The following ARID3B variants were observed in gnomAD, a reference collection of about 807,000 sequenced individuals.
The protein encoded by ARID3B is AT-rich interaction domain 3B, also known as AT-rich interactive domain-containing protein 3B.
In ARID3B, 10 loss-of-function variants were observed where a neutral mutation model predicts 51.9. The observed-to-expected ratio is 0.19, with a 90% CI of 0.12 to 0.33. The LOEUF (loss-of-function observed/expected upper bound fraction) is 0.33. ARID3B is among the 10% of genes least tolerant of loss of function. The pLI, the probability that ARID3B is intolerant of heterozygous loss-of-function variation, is 1.00. For synonymous variants in ARID3B, 205 were observed against 279.5 expected (o/e 0.73, Z 2.66); for missense variants, 483 against 716.3 (o/e 0.67, Z 3.72).
Position 74,557,904 on chromosome 15 carries a change from C to T in ARID3B, c.552+13416C>T, listed in dbSNP as rs1191734332. On this transcript the variant is annotated intron_variant, in intron 2 of 8. Coordinates refer to ENST00000346246, the MANE Select transcript of ARID3B (RefSeq NM_006465.4). ...TGGCATGATCTCAGCTCACTGCAAG[C>T]ACTGCCTTCAGGGTTCATGCCATTC... Among the ~76,000 whole-genome samples, 5 of 149,402 alleles carry T rather than the reference C, an allele frequency of 3.3e-5. No homozygotes were observed. The East Asian group carries it at 9.9e-4, about 30-fold the overall frequency.
At chr15:74,595,558 C>T in intron 8 of ARID3B, 53 bp from the exon 9 acceptor site, 1 of 1,579,286 alleles carries the variant, frequency 6.3e-7, no homozygotes, top group Non-Finnish European at 8.6e-7. Context: ...AAGGAGCTGG[C>T]CCTCCCCTTC....
rs148447597 is a variant in ARID3B at position 74,589,834 on chromosome 15, C to A, written c.712C>A (p.Arg238=). 9,814 of 1,610,322 alleles carry A rather than the reference C, an allele frequency of 6.1e-3. 34 individuals are homozygous for A. Among genetic ancestry groups the A allele is most frequent in the Non-Finnish European group, 7.2e-3 (8,524 of 1,177,534 alleles). ...FMQKRGTPIN[R]IPIMAKQILD... is the part of the protein sequence containing the mutation. ...GACAACCACAGGGACCCCCATCAAC[C>A]GAATCCCCATCATGGCCAAACAGAT... Residue 238 remains arginine, a synonymous_variant, in exon 5 of 9, where the codon CGA becomes AGA. Coordinates refer to ENST00000346246, the MANE Select transcript of ARID3B (RefSeq NM_006465.4).
At chr15:74,595,152 C>T (rs1420312131) in intron 8 of ARID3B, among the ~76,000 whole-genome samples, 1 of 152,106 alleles carries the variant, frequency 6.6e-6, no homozygotes, top group African/African-American at 2.4e-5. Flanking sequence ...CTCAAGTGAT[C>T]CTCCTGCCTC....
Position 74,590,020 on chromosome 15 carries a change from T to G in ARID3B, c.881+17T>G, listed in dbSNP as rs1220931625. The G allele has an allele frequency of 1.3e-6, 2 of 1,586,178 alleles. No individual in the cohort carries two copies. The highest frequency in any genetic ancestry group is 3.6e-5 in the Admixed American group (2 of 56,212). On this transcript the variant is annotated intron_variant, in intron 5 of 8. Coordinates refer to ENST00000346246, the MANE Select transcript of ARID3B (RefSeq NM_006465.4). ...CAGGACGCAGTGAGTGGCCAGGGCC[T>G]GGGAGAAGGAAGCTGAGGCTGGAGA...
intron 2 of ARID3B, among the ~76,000 whole-genome samples, chr15:74,570,358 C>T (rs567803694): frequency 2.5e-4 from 38 of 150,582 alleles, no homozygotes; most frequent in African/African-American, 9.0e-4. Flanking sequence ...CTGTGGAAAG[C>T]CCTGTCTGAC....
chr15:74,549,456 CT>C (rs67511415), intron 2 of ARID3B, among the ~76,000 whole-genome samples: 151,961 of 152,034 alleles, frequency 1, 75,944 homozygotes, highest in Middle Eastern at 1. Flanking sequence ...GTCCCAACTA[CT>C]TCGGCAGGCT....
chr15:74,549,069 T>G (rs1233212688), intron 2 of ARID3B, among the ~76,000 whole-genome samples: 1 of 151,960 alleles, frequency 6.6e-6, no homozygotes, highest in African/African-American at 2.4e-5. Flanking sequence ...AGGCCTACTT[T>G]TCTTTCTTTT....
intron 2 of ARID3B, among the ~76,000 whole-genome samples, chr15:74,565,164 C>T (rs993464384): frequency 6.6e-6 from 1 of 152,136 alleles, no homozygotes; most frequent in Non-Finnish European, 1.5e-5. Flanking sequence ...CCCACCTCAT[C>T]CTCCCAAGTA....
At chr15:74,581,045 C>T (rs577441622) in intron 4 of ARID3B, among the ~76,000 whole-genome samples, 15 of 152,318 alleles carry the variant, frequency 9.8e-5, no homozygotes, top group African/African-American at 3.6e-4. Flanking sequence ...ACACAGGAGG[C>T]ACCCAGAATG....
intron 4 of ARID3B, among the ~76,000 whole-genome samples, chr15:74,576,715 G>A (rs2061739346): frequency 6.6e-6 from 1 of 152,136 alleles, no homozygotes; most frequent in African/African-American, 2.4e-5. Flanking sequence ...GTACATGAGA[G>A]CAAGCCGTGT....
chr15:74,544,522 T>C, intron 2 of ARID3B, 34 bp downstream of exon 2: 1 of 1,589,516 alleles, frequency 6.3e-7, no homozygotes, highest in Non-Finnish European at 8.6e-7. Flanking sequence ...TCATTTGGTC[T>C]TCCTGAAGGC....
chr15:74,550,593 G>T (rs1280074498), intron 2 of ARID3B, among the ~76,000 whole-genome samples: 1 of 151,628 alleles, frequency 6.6e-6, no homozygotes, highest in Admixed American at 6.6e-5. Flanking sequence ...GCGGTCCCAA[G>T]CTACTCCGGA....
At chr15:74,574,382 C>T (rs1305571662) in intron 4 of ARID3B, 1 of 152,248 alleles carries the variant, frequency 6.6e-6, no homozygotes, top group Admixed American at 6.5e-5. Flanking sequence ...CCCTTGGTGC[C>T]TGTGTCAACA....
chr15:74,574,772 A>C (rs1273310442), intron 4 of ARID3B: 1 of 152,228 alleles, frequency 6.6e-6, no homozygotes, highest in Non-Finnish European at 1.5e-5. Flanking sequence ...TGGGAGGCCA[A>C]GGTGGGTGGA....
At chr15:74,582,768 T>C (rs2061766529) in intron 4 of ARID3B, among the ~76,000 whole-genome samples, 1 of 152,166 alleles carries the variant, frequency 6.6e-6, no homozygotes, top group Admixed American at 6.5e-5. Flanking sequence ...CACTGAAAGA[T>C]ACAGGTAAGC....
intron 8 of ARID3B, among the ~76,000 whole-genome samples, chr15:74,594,565 CT>C (rs1343976875): frequency 3.3e-5 from 5 of 152,268 alleles, no homozygotes; most frequent in African/African-American, 1.2e-4. Context: ...GGCAAGGTGT[CT>C]CGTGGAGACA....
At position 74,584,717 on chromosome 15, in the gene ARID3B, G is replaced by A. The variant is rs76644292; in HGVS notation, c.698-5103G>A. On this transcript the variant is annotated intron_variant, in intron 4 of 8. Transcript: ENST00000346246. ...ATCCCCAGCTACATCTTGGTTGTCT[G>A]AGTGGCAGGAAGGAAAACAAAGTAC... is the stretch of plus-strand genomic sequence containing the variant. Among the ~76,000 whole-genome samples the A allele has an allele frequency of 2.2e-3, 338 of 152,332 alleles. 1 individual carries two copies. The highest frequency in any genetic ancestry group is 0.02 in the Middle Eastern group (6 of 294).
intron 2 of ARID3B, among the ~76,000 whole-genome samples, chr15:74,559,790 A>G (rs913194814): frequency 4.6e-5 from 7 of 152,110 alleles, no homozygotes; most frequent in Non-Finnish European, 1.0e-4. Context: ...AAAAATTTGT[A>G]AAGAAGAAAA....
intron 2 of ARID3B, among the ~76,000 whole-genome samples, chr15:74,566,685 G>A (rs1193761043): frequency 6.6e-6 from 1 of 152,116 alleles, no homozygotes. Context: ...GTGCAGCCTG[G>A]TTCCAAATCT....
Sources: allele counts gnomAD v4.1 joint callset (sites outside exome capture counted in the v4.1 genomes callset), GRCh38; gene constraint gnomAD v4.1.1; transcripts MANE v1.5; gene names NCBI Gene and HGNC (gene_info 2026-07-23, HGNC 2026-07-21).